POLQ: variants seen among roughly 807,000 people sequenced by gnomAD.
The protein encoded by POLQ is DNA polymerase theta.
In POLQ, 233 loss-of-function variants were observed where a neutral mutation model predicts 259.2. The observed-to-expected ratio is 0.90, with a 90% CI of 0.81 to 1.00. The LOEUF (loss-of-function observed/expected upper bound fraction) is 1.00. POLQ is among the 50% of genes least tolerant of loss of function. POLQ has a pLI of 0.00. For synonymous variants in POLQ, 1,025 were observed against 1,048.8 expected (o/e 0.98, Z 0.44); for missense variants, 2,871 against 3,051.6 (o/e 0.94, Z 1.39).
intron 22 of POLQ, among the ~76,000 whole-genome samples, chr3:121,468,662 A>T (rs182436492): frequency 6.6e-6 from 1 of 152,212 alleles, no homozygotes; most frequent in Non-Finnish European, 1.5e-5. Context: ...TATGTTTTAC[A>T]CAGAAAACCA....
In POLQ at chr3:121,488,746, TAC is replaced by T. The variant is rs747774350; in HGVS notation, c.4183_4184del (p.Val1395ArgfsTer8). The T allele has an allele frequency of 2.5e-6, 4 of 1,614,004 alleles. No individual in the cohort carries two copies. The highest frequency in any genetic ancestry group is 1.1e-5 in the South Asian group (1 of 91,058). ...TKIDHLDLKTVGTMKQSSDSH... is the reference protein window; with the variant it reads ...TKIDHLDLKTXGTMKQSSDSH... ...AATCACTGCTTTGTTTCATAGTACC[TAC>T]AGTCTTAAGGTCCAAATGATCTATC... On this transcript the variant is annotated frameshift_variant, in exon 16 of 30. Transcript: ENST00000264233. LOFTEE classifies it high-confidence loss of function.
At chr3:121,433,935 C>T (rs2047522279) in intron 28 of POLQ, among the ~76,000 whole-genome samples, 1 of 152,206 alleles carries the variant, frequency 6.6e-6, no homozygotes, top group Non-Finnish European at 1.5e-5. Context: ...TGCCAGTTTG[C>T]TCAGAGGTGG....
chr3:121,530,570 GA>G (rs1291757618), intron 6 of POLQ, among the ~76,000 whole-genome samples: 1 of 152,076 alleles, frequency 6.6e-6, no homozygotes, highest in East Asian at 1.9e-4. Context: ...AGATCTGAAA[GA>G]AAAATTGTCC....
intron 26 of POLQ, among the ~76,000 whole-genome samples, chr3:121,448,626 A>G (rs1331241476): frequency 6.6e-6 from 1 of 152,000 alleles, no homozygotes; most frequent in African/African-American, 2.4e-5. Flanking sequence ...CAGCCTCCCA[A>G]AGTGCTGGGA....
At chr3:121,500,239 A>T (rs1443908311) in intron 12 of POLQ, among the ~76,000 whole-genome samples, 1 of 150,168 alleles carries the variant, frequency 6.7e-6, no homozygotes, top group Non-Finnish European at 1.5e-5. Context: ...TAATTGTGCC[A>T]CTGTACTCTT....
chr3:121,519,632 C>T (rs1445315765), intron 9 of POLQ, among the ~76,000 whole-genome samples: 19 of 145,584 alleles, frequency 1.3e-4, no homozygotes, highest in African/African-American at 2.3e-4. Flanking sequence ...GCCAAGATCG[C>T]GCCACTGCAC....
At chr3:121,472,906 G>C (rs1472352250) in intron 21 of POLQ, among the ~76,000 whole-genome samples, 1 of 152,114 alleles carries the variant, frequency 6.6e-6, no homozygotes, top group African/African-American at 2.4e-5. Flanking sequence ...ATTAACAATT[G>C]TACTTTGAAA....
chr3:121,545,934 G>T lies in POLQ; in HGVS notation c.-57C>A, dbSNP rs751191323. ...CACAGTCCCAGCGTCCTCCCTCTCG[G>T]GAGAACCCTGGCCTGGCAACAGCTG... On this transcript the variant is annotated 5_prime_UTR_variant, in exon 1 of 30. Transcript: ENST00000264233. 21 of 1,593,344 alleles carry T rather than the reference G, an allele frequency of 1.3e-5. No individual in the cohort carries two copies. The highest frequency in any genetic ancestry group is 1.8e-5 in the Non-Finnish European group (21 of 1,167,442).
Position 121,468,036 on chromosome 3 carries a change from AAAAC to A in POLQ, c.6845+265_6845+268del, listed in dbSNP as rs768487662. Among the ~76,000 whole-genome samples the A allele has an allele frequency of 1.1e-4, 17 of 152,318 alleles. No homozygotes were observed. In the East Asian group the frequency reaches 1.4e-3, roughly 12 times the overall value. On this transcript the variant is annotated intron_variant, in intron 23 of 29. Coordinates refer to ENST00000264233, the MANE Select transcript of POLQ (RefSeq NM_199420.4). The stretch of plus-strand genomic sequence containing the variant: ...CAAGAGAGCAAGACTCCGTCTCAAA[AAAAC>A]AAACAAACAAAGAAAACCAAATCTT...
chr3:121,545,657 A>C (rs1576432385), intron 1 of POLQ, 58 bp downstream of exon 1: 1 of 1,480,402 alleles, frequency 6.8e-7, no homozygotes, highest in Non-Finnish European at 9.0e-7. Context: ...ACACCTCCCG[A>C]CCCATGGCCC....
intron 9 of POLQ, among the ~76,000 whole-genome samples, chr3:121,515,246 T>C (rs1368590301): frequency 6.6e-6 from 1 of 152,096 alleles, no homozygotes; most frequent in African/African-American, 2.4e-5. Flanking sequence ...CACTGAAGCC[T>C]GAAACTCCTG....
At chr3:121,452,226 T>C (rs1425615097) in intron 25 of POLQ, among the ~76,000 whole-genome samples, 1 of 152,190 alleles carries the variant, frequency 6.6e-6, no homozygotes, top group African/African-American at 2.4e-5. Context: ...CCTGACCCCT[T>C]GTGCTTCCCA....
intron 22 of POLQ, among the ~76,000 whole-genome samples, chr3:121,469,277 A>G (rs541818): frequency 0.79 from 119,596 of 152,048 alleles, 47,139 homozygotes; most frequent in East Asian, 0.89. Context: ...TCTCTAAAAC[A>G]TGAAAACATG....
Position 121,488,003 on chromosome 3 carries a change from T to C in POLQ, c.4928A>G (p.Gln1643Arg). 1 of 1,613,394 alleles carries C rather than the reference T, an allele frequency of 6.2e-7. No homozygotes were observed. The highest frequency in any genetic ancestry group is 8.5e-7 in the Non-Finnish European group (1 of 1,179,684). The change falls in exon 16 of 30, where the codon CAA (glutamine) becomes CGA (arginine). Residue 1643 changes from glutamine to arginine, a missense_variant. This residue lies in a region of POLQ where 2,080 missense variants were observed against 2,126.0 expected (regional missense o/e 0.98). Transcript: ENST00000264233. ...ACTGGATACTTTATCTAAAATCCTT[T>C]GCAGTCCTGGACTTAGATCAAATGA... ...GASFDLSPGL[Q>R]RILDKVSSPL... is the part of the protein sequence containing the mutation.
intron 25 of POLQ, among the ~76,000 whole-genome samples, chr3:121,456,304 T>C (rs1365875902): frequency 6.6e-6 from 1 of 151,990 alleles, no homozygotes; most frequent in African/African-American, 2.4e-5. Context: ...CTGGAAGCAT[T>C]CCCTGTGAAA....
chr3:121,457,281 C>G (rs148028707), intron 25 of POLQ, among the ~76,000 whole-genome samples: 9 of 152,276 alleles, frequency 5.9e-5, no homozygotes, highest in Non-Finnish European at 1.2e-4. Flanking sequence ...CATAAAAACC[C>G]TAGAAGAAAA....
At chr3:121,454,881 T>C (rs1161545535) in intron 25 of POLQ, among the ~76,000 whole-genome samples, 2 of 152,168 alleles carry the variant, frequency 1.3e-5, no homozygotes, top group African/African-American at 2.4e-5. Flanking sequence ...ACCAAGCAGA[T>C]CTAATAGACA....
chr3:121,435,587 T>A (rs2047537055), intron 28 of POLQ, among the ~76,000 whole-genome samples: 1 of 152,170 alleles, frequency 6.6e-6, no homozygotes, highest in Non-Finnish European at 1.5e-5. Flanking sequence ...ACTGTCCTGG[T>A]ATAGAAGTGA....
rs1360388279 is a variant in POLQ, at chr3:121,432,418, C to G, written c.7660-1G>C. 9.4e-6 allele frequency: 15 copies of G among 1,597,316 alleles called. No homozygotes were observed. In the South Asian group the frequency reaches 1.6e-4, roughly 17 times the overall value. ...TTTCATTCTTGACAATCTGAGCTAC[C>G]TAAGGAAAAAAAAAATGTAGTTAAC... is the stretch of plus-strand genomic sequence containing the variant. On this transcript the variant is annotated splice_acceptor_variant, in intron 29 of 29. Transcript: ENST00000264233. LOFTEE classifies it high-confidence loss of function.
Sources: gnomAD v4.1 joint callset for allele counts (sites outside exome capture counted in the v4.1 genomes callset) on GRCh38, gnomAD v4.1.1 for gene constraint, gnomAD v4.1.1 regional missense constraint, MANE v1.5 for transcripts, NCBI Gene and HGNC (gene_info 2026-07-23, HGNC 2026-07-21) for gene names.